MLEC: variants seen among roughly 807,000 people sequenced by gnomAD.
The protein encoded by MLEC is oligosaccharyltransferase complex subunit (non-catalytic).
A neutral mutation model predicts 28.7 loss-of-function variants in MLEC; 7 were observed. The observed-to-expected ratio is 0.24, with a 90% CI of 0.14 to 0.46. MLEC has a LOEUF of 0.46. MLEC is among the 20% of genes least tolerant of loss of function. The pLI is 0.99. For missense variants in MLEC, 237 were observed against 391.1 expected (o/e 0.61, Z 3.32); for synonymous variants, 142 against 164.4 (o/e 0.86, Z 1.04).
At position 120,697,404 on chromosome 12, in the gene MLEC, C is replaced by T. The variant is rs546289905; in HGVS notation, c.*859C>T. 6.6e-6 allele frequency: 1 copy of T among 152,600 alleles called. No individual in the cohort carries two copies. Among genetic ancestry groups the T allele is most frequent in the African/African-American group, 2.4e-5 (1 of 41,418 alleles). The allele number at this position is 152,600 out of a possible 1,614,324, so 9.5% of individuals were successfully genotyped here. ...TTATAGCCAAGAAGGGAAGGAGACA[C>T]GGGGATTTGGGGTTCTCTGCTTGAA... On this transcript the variant is annotated 3_prime_UTR_variant, in exon 5 of 5. Coordinates refer to ENST00000228506, the MANE Select transcript of MLEC (RefSeq NM_014730.4). This position sits in a 1 kb window ranked among gnomAD's most constrained non-coding sequence, Gnocchi z 4.8.
In MLEC at chr12:120,688,694, C is replaced by T. The variant is rs1881921678; in HGVS notation, c.235+1163C>T. Among the ~76,000 whole-genome samples the T allele has an allele frequency of 1.3e-5, 2 of 151,948 alleles. 1 individual carries two copies. The highest frequency in any genetic ancestry group is 1.3e-4 in the Admixed American group (2 of 15,266). On this transcript the variant is annotated intron_variant, in intron 1 of 4. Transcript: ENST00000228506. The stretch of plus-strand genomic sequence containing the variant: ...TTTTACTAAAATAGTTAGTTCTTCC[C>T]AAGTCGATTGCAGTGTCCTGGAGTT...
chr12:120,691,116 A>C (rs1056430764), intron 1 of MLEC, among the ~76,000 whole-genome samples: 1 of 152,210 alleles, frequency 6.6e-6, no homozygotes, highest in Non-Finnish European at 1.5e-5. Context: ...GCTTCTGCTC[A>C]TTCTGGCTTT....
chr12:120,695,057 C>G, intron 3 of MLEC, 38 bp from the exon 4 acceptor site: 1 of 1,614,026 alleles, frequency 6.2e-7, no homozygotes, highest in Non-Finnish European at 8.5e-7. Flanking sequence ...AAGTTGTTTG[C>G]TGCTGTGTGG....
Position 120,694,667 on chromosome 12 carries a change from G to A in MLEC, c.415-157G>A, listed in dbSNP as rs1882160845. Among the ~76,000 whole-genome samples the A allele has an allele frequency of 6.6e-6, 1 of 152,046 alleles. No homozygotes were observed. Among genetic ancestry groups the A allele is most frequent in the Non-Finnish European group, 1.5e-5 (1 of 68,010 alleles). On this transcript the variant is annotated intron_variant, in intron 2 of 4. Transcript: ENST00000228506. This position sits in a 1 kb window ranked among gnomAD's most constrained non-coding sequence, Gnocchi z 4.5. ...CAGTGAAGGAACACGGCTTTGATTT[G>A]ACCCGGGTTAAGGATGCTAACCACC... is the stretch of plus-strand genomic sequence containing the variant.
Position 120,694,335 on chromosome 12 carries a change from T to TG in MLEC, c.414+70dup. The TG allele has an allele frequency of 6.6e-7, 1 of 1,523,658 alleles. No homozygotes were observed. The highest frequency in any genetic ancestry group is 9.0e-7 in the Non-Finnish European group (1 of 1,113,518). 94.4% of individuals were successfully genotyped at this position (1,523,658 alleles called of 1,614,324 possible). A position where few individuals can be genotyped will look rare whatever the true frequency, so the allele number is the denominator to read the frequency against. ...GCTGCTCTTGGACAATCCACGATTA[T>TG]GGGGCTAGAGAGTGTGAGAGTCTCT... is the stretch of plus-strand genomic sequence containing the variant. On this transcript the variant is annotated intron_variant, in intron 2 of 4. Transcript: ENST00000228506. This position sits in a 1 kb window ranked among gnomAD's most constrained non-coding sequence, Gnocchi z 4.5.
intron 1 of MLEC, among the ~76,000 whole-genome samples, chr12:120,690,211 A>G (rs916200648): frequency 2.6e-5 from 4 of 152,010 alleles, no homozygotes; most frequent in South Asian, 2.1e-4. Context: ...GGGTCTCACT[A>G]TGTTGCCCAG....
chr12:120,700,288 C>T lies in MLEC; in HGVS notation c.*3743C>T, dbSNP rs898198980. On this transcript the variant is annotated 3_prime_UTR_variant, in exon 5 of 5. Coordinates refer to ENST00000228506, the MANE Select transcript of MLEC (RefSeq NM_014730.4). This position sits in a 1 kb window ranked among gnomAD's most constrained non-coding sequence, Gnocchi z 4.0. ...ATGGGGCTGCTTCCCTGTCCCTTCC[C>T]TCCCCTTTGCTGGCCTACTCTGGCA... The T allele has an allele frequency of 1.3e-5, 2 of 152,742 alleles. No homozygotes were observed. Among genetic ancestry groups the T allele is most frequent in the Admixed American group, 6.5e-5 (1 of 15,280 alleles). The allele number at this position is 152,742 out of a possible 1,614,324, so 9.5% of individuals were successfully genotyped here. A position where few individuals can be genotyped will look rare whatever the true frequency, so the allele number is the denominator to read the frequency against.
rs2137422091 is a variant in MLEC, at chr12:120,697,211, GT to G, written c.*669del. On this transcript the variant is annotated 3_prime_UTR_variant, in exon 5 of 5. Transcript: ENST00000228506. This position sits in a 1 kb window ranked among gnomAD's most constrained non-coding sequence, Gnocchi z 4.8. ...TTATAGACTGTCCAGCATCCAAGACGTTTCGGTTATGTCGGGTCCTCAGATC... is the reference window on the plus strand; with the variant it reads ...TTATAGACTGTCCAGCATCCAAGACGTTCGGTTATGTCGGGTCCTCAGATC... 6.6e-6 allele frequency: 1 copy of G among 152,464 alleles called. No homozygotes were observed. Among genetic ancestry groups the G allele is most frequent in the South Asian group, 2.1e-4 (1 of 4,832 alleles). The allele number at this position is 152,464 out of a possible 1,614,324, so 9.4% of individuals were successfully genotyped here. A position where few individuals can be genotyped will look rare whatever the true frequency, so the allele number is the denominator to read the frequency against.
In MLEC at chr12:120,696,844, A is replaced by G; in HGVS notation, c.*299A>G. The stretch of plus-strand genomic sequence containing the variant: ...CCTGCTCAAGGATCCTCATTTGTAT[A>G]CCTAGTGGAAAGGACTCTGAACTCA... On this transcript the variant is annotated 3_prime_UTR_variant, in exon 5 of 5. Coordinates refer to ENST00000228506, the MANE Select transcript of MLEC (RefSeq NM_014730.4). The surrounding 1 kb of genome is among the most constrained non-coding windows in gnomAD (Gnocchi z 5.4). 2.6e-6 allele frequency: 1 copy of G among 383,554 alleles called. No individual in the cohort carries two copies. The highest frequency in any genetic ancestry group is 4.8e-6 in the Non-Finnish European group (1 of 209,944). 23.8% of individuals were successfully genotyped at this position (383,554 alleles called of 1,614,324 possible). A position where few individuals can be genotyped will look rare whatever the true frequency, so the allele number is the denominator to read the frequency against.
intron 1 of MLEC, among the ~76,000 whole-genome samples, chr12:120,691,348 G>A (rs976886092): frequency 6.6e-6 from 1 of 152,174 alleles, no homozygotes; most frequent in Admixed American, 6.5e-5. Context: ...CAATGCTGTG[G>A]GATAGGTGGT....
Position 120,698,492 on chromosome 12 carries a change from T to TGTA in MLEC, c.*1949_*1951dup, listed in dbSNP as rs2137423605. ...CCCCTGCTTCTAAAGGATAAGGTACTGTAGCCTTGGTCCTGGGGACCACCT... is the reference window on the plus strand; with the variant it reads ...CCCCTGCTTCTAAAGGATAAGGTACTGTAGTAGCCTTGGTCCTGGGGACCACCT... On this transcript the variant is annotated 3_prime_UTR_variant, in exon 5 of 5. Coordinates refer to ENST00000228506, the MANE Select transcript of MLEC (RefSeq NM_014730.4). The TGTA allele has an allele frequency of 6.6e-6, 1 of 152,370 alleles. No individual in the cohort carries two copies. Among genetic ancestry groups the TGTA allele is most frequent in the East Asian group, 1.9e-4 (1 of 5,184 alleles). 9.4% of individuals were successfully genotyped at this position (152,370 alleles called of 1,614,324 possible). A position where few individuals can be genotyped will look rare whatever the true frequency, so the allele number is the denominator to read the frequency against.
chr12:120,694,307 AT>A lies in MLEC; in HGVS notation c.414+40del. The A allele has an allele frequency of 1.9e-6, 3 of 1,600,342 alleles. No individual in the cohort carries two copies. The highest frequency in any genetic ancestry group is 2.6e-6 in the Non-Finnish European group (3 of 1,171,898). On this transcript the variant is annotated intron_variant, in intron 2 of 4. Transcript: ENST00000228506. This position sits in a 1 kb window ranked among gnomAD's most constrained non-coding sequence, Gnocchi z 4.5. ...CAGGCTGCTGCTTGACCAGTAGGAC[AT>A]TGCTGCTCTTGGACAATCCACGATT...
chr12:120,695,076 A>G lies in MLEC; in HGVS notation c.592-19A>G. 1 of 1,614,158 alleles carries G rather than the reference A, an allele frequency of 6.2e-7. No homozygotes were observed. The highest frequency in any genetic ancestry group is 8.5e-7 in the Non-Finnish European group (1 of 1,180,010). On this transcript the variant is annotated intron_variant, in intron 3 of 4. Coordinates refer to ENST00000228506, the MANE Select transcript of MLEC (RefSeq NM_014730.4). ...TGTTTGCTGCTGTGTGGGGTTGACC[A>G]CTGTTTCCCTTTTCCTAGGGGTACT...
chr12:120,696,015 T>A lies in MLEC; in HGVS notation c.650-301T>A, dbSNP rs1469456497. Among the ~76,000 whole-genome samples the A allele has an allele frequency of 6.6e-6, 1 of 152,184 alleles. No homozygotes were observed. The highest frequency in any genetic ancestry group is 1.5e-5 in the Non-Finnish European group (1 of 68,036). On this transcript the variant is annotated intron_variant, in intron 4 of 4. Coordinates refer to ENST00000228506, the MANE Select transcript of MLEC (RefSeq NM_014730.4). This position sits in a 1 kb window ranked among gnomAD's most constrained non-coding sequence, Gnocchi z 5.4. Reference sequence around the variant, plus strand: ...GGAGGGATTTGAAAAGGCTAAAGTTTAGGCATTGGATCATTGTCCCTGTCC... The same window carrying A: ...GGAGGGATTTGAAAAGGCTAAAGTTAAGGCATTGGATCATTGTCCCTGTCC...
chr12:120,694,681 A>G lies in MLEC; in HGVS notation c.415-143A>G. 1.3e-6 allele frequency: 1 copy of G among 796,912 alleles called. No homozygotes were observed. Among genetic ancestry groups the G allele is most frequent in the Non-Finnish European group, 2.0e-6 (1 of 499,150 alleles). The allele number at this position is 796,912 out of a possible 1,614,324, so 49.4% of individuals were successfully genotyped here. A position where few individuals can be genotyped will look rare whatever the true frequency, so the allele number is the denominator to read the frequency against. On this transcript the variant is annotated intron_variant, in intron 2 of 4. Coordinates refer to ENST00000228506, the MANE Select transcript of MLEC (RefSeq NM_014730.4). The surrounding 1 kb of genome is among the most constrained non-coding windows in gnomAD (Gnocchi z 4.5). ...GGCTTTGATTTGACCCGGGTTAAGG[A>G]TGCTAACCACCCTGGATATCCAGAC...
rs918051896 is a variant in MLEC, at chr12:120,693,380, C to CT, written c.236-702dup. Among the ~76,000 whole-genome samples, 19 of 151,830 alleles carry CT rather than the reference C, an allele frequency of 1.3e-4. No homozygotes were observed. The East Asian group carries it at 3.1e-3, about 25-fold the overall frequency. On this transcript the variant is annotated intron_variant, in intron 1 of 4. Coordinates refer to ENST00000228506, the MANE Select transcript of MLEC (RefSeq NM_014730.4). Reference sequence around the variant, plus strand: ...CTAGGCACTGGAGGTGCAGTGGTGACTTTTTTTTTCTGCTGTTGGTTTATC... The same window carrying CT: ...CTAGGCACTGGAGGTGCAGTGGTGACTTTTTTTTTTCTGCTGTTGGTTTATC...
At position 120,700,058 on chromosome 12, in the gene MLEC, C is replaced by A. The variant is rs1882389395; in HGVS notation, c.*3513C>A. ...TTCAGAAAACAGCAGCAGTATTTTCCTTTTCCTAGTGCTAAAATCCCTTTC... is the reference window on the plus strand; with the variant it reads ...TTCAGAAAACAGCAGCAGTATTTTCATTTTCCTAGTGCTAAAATCCCTTTC... On this transcript the variant is annotated 3_prime_UTR_variant, in exon 5 of 5. Transcript: ENST00000228506. This position sits in a 1 kb window ranked among gnomAD's most constrained non-coding sequence, Gnocchi z 4.0. 1 of 152,662 alleles carries A rather than the reference C, an allele frequency of 6.6e-6. No individual in the cohort carries two copies. Among genetic ancestry groups the A allele is most frequent in the South Asian group, 2.1e-4 (1 of 4,836 alleles). 9.5% of individuals were successfully genotyped at this position (152,662 alleles called of 1,614,324 possible). A position where few individuals can be genotyped will look rare whatever the true frequency, so the allele number is the denominator to read the frequency against.
chr12:120,701,149 CT>C lies in MLEC; in HGVS notation c.*4605del, dbSNP rs1423288279. 6.6e-6 allele frequency: 1 copy of C among 152,188 alleles called. No homozygotes were observed. Among genetic ancestry groups the C allele is most frequent in the Admixed American group, 6.5e-5 (1 of 15,282 alleles). The allele number at this position is 152,188 out of a possible 1,614,324, so 9.4% of individuals were successfully genotyped here. On this transcript the variant is annotated 3_prime_UTR_variant, in exon 5 of 5. Coordinates refer to ENST00000228506, the MANE Select transcript of MLEC (RefSeq NM_014730.4). This position sits in a 1 kb window ranked among gnomAD's most constrained non-coding sequence, Gnocchi z 4.0. ...GGGGAAAGCAGAACTCCATTCTCAC[CT>C]CTATTTTGAGCTTCAGTGCTTTATT...
At chr12:120,689,801 G>T (rs868696039) in intron 1 of MLEC, among the ~76,000 whole-genome samples, 1 of 152,180 alleles carries the variant, frequency 6.6e-6, no homozygotes, top group Admixed American at 6.5e-5. Context: ...CTGTGATATT[G>T]TTTCCAGCAT....
Sources: allele counts gnomAD v4.1 joint callset (sites outside exome capture counted in the v4.1 genomes callset), GRCh38; gene constraint gnomAD v4.1.1; non-coding constraint Gnocchi (gnomAD v3.1); transcripts MANE v1.5; gene names NCBI Gene and HGNC (gene_info 2026-07-23, HGNC 2026-07-21).